TRANK1: variants seen among roughly 807,000 people sequenced by gnomAD.
The protein encoded by TRANK1 is tetratricopeptide repeat and ankyrin repeat containing 1.
A neutral mutation model predicts 266.0 loss-of-function variants in TRANK1; 198 were observed. The observed-to-expected ratio is 0.74, with a 90% CI of 0.66 to 0.84. The LOEUF is 0.84. Among genes scored for constraint, TRANK1 ranks in the 40% least tolerant of loss-of-function variants. The pLI is 0.00. For synonymous variants in TRANK1, 1,396 were observed against 1,384.1 expected (o/e 1.01, Z -0.19); for missense variants, 3,326 against 3,634.6 (o/e 0.92, Z 2.18).
chr3:36,903,296 T>A (rs2079911690), intron 2 of TRANK1, 21 bp from the exon 3 acceptor site: 1 of 1,535,036 alleles, frequency 6.5e-7, no homozygotes, highest in South Asian at 1.2e-5. Flanking sequence ...AAACCGGTGG[T>A]CTGTCATGGT....
intron 8 of TRANK1, 129 bp downstream of exon 8, chr3:36,889,700 C>T (rs748971960): frequency 3.0e-5 from 38 of 1,273,756 alleles, no homozygotes; most frequent in Non-Finnish European, 3.8e-5. Flanking sequence ...AAGTTTAGTT[C>T]AAGGGGAAGT....
intron 9 of TRANK1, among the ~76,000 whole-genome samples, chr3:36,868,697 GT>G (rs1301461537): frequency 6.6e-6 from 1 of 152,128 alleles, no homozygotes; most frequent in Non-Finnish European, 1.5e-5. Flanking sequence ...ATAATTAATA[GT>G]TTCTTTTCTA....
In TRANK1 at chr3:36,861,004, C is replaced by T. The variant is rs1294188652; in HGVS notation, c.1397G>A (p.Cys466Tyr). 6.5e-7 allele frequency: 1 copy of T among 1,537,854 alleles called. No individual in the cohort carries two copies. The highest frequency in any genetic ancestry group is 2.4e-5 in the East Asian group (1 of 40,914). The change falls in exon 11 of 24, where the codon TGC becomes TAC. Residue 466 changes from cysteine to tyrosine, a missense_variant. Cys to Tyr is a radical substitution (Grantham distance 194, BLOSUM62 -2). Transcript: ENST00000645898. ...PPLGDCLIKD[C>Y]NFSDLDICTI... is the part of the protein sequence containing the mutation. ...ACAGATGTCGAGGTCTGAGAAGTTG[C>T]AGTCTTTGATGAGGCAATCCCCAAG...
intron 7 of TRANK1, among the ~76,000 whole-genome samples, chr3:36,890,360 G>A (rs923324528): frequency 2.6e-5 from 4 of 152,182 alleles, no homozygotes; most frequent in African/African-American, 9.7e-5. Flanking sequence ...GACCTCATGA[G>A]CAGCCCTGCA....
At chr3:36,925,336 T>C (rs772254862) in intron 1 of TRANK1, among the ~76,000 whole-genome samples, 13 of 152,212 alleles carry the variant, frequency 8.5e-5, no homozygotes, top group Non-Finnish European at 1.6e-4. Context: ...ATGGTTAACC[T>C]GCACCATAGG....
Position 36,892,870 on chromosome 3 carries a change from TAGATATATATAG to T in TRANK1, c.636+19_636+30del. On this transcript the variant is annotated intron_variant, in intron 6 of 23. Coordinates refer to ENST00000645898, the MANE Select transcript of TRANK1 (RefSeq NM_001329998.2). ...AACAAAACATATATATATATATATA[TAGATATATATAG>T]ATATATATATCACCTTACCTCAAAG... 1 of 647,882 alleles carries T rather than the reference TAGATATATATAG, an allele frequency of 1.5e-6. No homozygotes were observed. Among genetic ancestry groups the T allele is most frequent in the Non-Finnish European group, 2.1e-6 (1 of 480,466 alleles). 40.1% of individuals were successfully genotyped at this position (647,882 alleles called of 1,614,324 possible).
Position 36,865,333 on chromosome 3 carries a change from T to A in TRANK1, c.1079-853A>T, listed in dbSNP as rs560188372. ...GAGCCATCACACCCAGCATGCTTCT[T>A]GTTTTAAGCCACGAAAATTGGAGTA... On this transcript the variant is annotated intron_variant, in intron 9 of 23. Transcript: ENST00000645898. 3.9e-5 allele frequency among the ~76,000 whole-genome samples: 6 copies of A among 152,302 alleles called. No homozygotes were observed. The South Asian group carries it at 1.2e-3, about 32-fold the overall frequency.
chr3:36,873,746 T>G (rs530240744), intron 9 of TRANK1, among the ~76,000 whole-genome samples: 2 of 152,190 alleles, frequency 1.3e-5, no homozygotes, highest in African/African-American at 4.8e-5. Flanking sequence ...GAAATAGAGA[T>G]GTACGTGTAT....
chr3:36,903,782 G>C lies in TRANK1; in HGVS notation c.156-507C>G, dbSNP rs923610983. 3.9e-5 allele frequency among the ~76,000 whole-genome samples: 6 copies of C among 152,220 alleles called. No individual in the cohort carries two copies. In the East Asian group the frequency reaches 1.2e-3, roughly 29 times the overall value. The stretch of plus-strand genomic sequence containing the variant: ...TGGCCAAAGGAGGGCCCTTTAAAGC[G>C]CAGCAGGGCAGGGATGGCTCTGGCC... On this transcript the variant is annotated intron_variant, in intron 2 of 23. Coordinates refer to ENST00000645898, the MANE Select transcript of TRANK1 (RefSeq NM_001329998.2).
chr3:36,849,712 ACCTGTCTTT>A (rs2078962165), intron 15 of TRANK1, among the ~76,000 whole-genome samples: 1 of 152,206 alleles, frequency 6.6e-6, no homozygotes, highest in African/African-American at 2.4e-5. Context: ...GATATATGGG[ACCTGTCTTT>A]CCTCTCCTTT....
intron 8 of TRANK1, among the ~76,000 whole-genome samples, chr3:36,888,252 A>G (rs1410636475): frequency 2.0e-5 from 3 of 152,230 alleles, no homozygotes; most frequent in African/African-American, 7.2e-5. Flanking sequence ...AAGGCCTTAT[A>G]TTCTATGATT....
At chr3:36,929,382 C>CCTCGGCCTCCCAAAG (rs1263008235) in intron 1 of TRANK1, 2 of 152,152 alleles carry the variant, frequency 1.3e-5, no homozygotes, top group African/African-American at 4.8e-5. Flanking sequence ...TCCCAAAGTG[C>CCTCGGCCTCCCAAAG]TGAGATTACA....
In TRANK1 at chr3:36,833,555, TG is replaced by T. The variant is rs767231780; in HGVS notation, c.6027del (p.Lys2010ArgfsTer4). On this transcript the variant is annotated frameshift_variant, in exon 22 of 24. Transcript: ENST00000645898. LOFTEE classifies it high-confidence loss of function. ...NVARDSDIEHTKDILREALDI... is the reference protein window; with the variant it reads ...NVARDSDIEHXKDILREALDI... ...TCAAGTGCTTCTCTCAGAATGTCCT[TG>T]GTGTGTTCTATGTCGGAATCCCTGG... 1 of 1,613,940 alleles carries T rather than the reference TG, an allele frequency of 6.2e-7. No individual in the cohort carries two copies.
chr3:36,887,085 C>G (rs2079618487), intron 8 of TRANK1, among the ~76,000 whole-genome samples: 1 of 151,766 alleles, frequency 6.6e-6, no homozygotes, highest in African/African-American at 2.4e-5. Context: ...GTCAGGATAC[C>G]TGGAGATGTG....
intron 8 of TRANK1, among the ~76,000 whole-genome samples, chr3:36,886,133 T>TG (rs1414857961): frequency 1.9e-4 from 13 of 68,184 alleles, no homozygotes; most frequent in African/African-American, 1.2e-3. Context: ...GTTGTTGTTT[T>TG]TTTTTTTTTT....
intron 4 of TRANK1, 131 bp downstream of exon 4, chr3:36,898,978 G>T: frequency 1.0e-6 from 1 of 990,426 alleles, no homozygotes; most frequent in Non-Finnish European, 1.4e-6. Context: ...GTGTGAACTA[G>T]ATTCATTAAA....
chr3:36,849,305 T>G (rs550881144), intron 15 of TRANK1, among the ~76,000 whole-genome samples: 1 of 152,138 alleles, frequency 6.6e-6, no homozygotes, highest in Non-Finnish European at 1.5e-5. Context: ...CACAGAAGGA[T>G]AGCTTGAGGG....
Position 36,855,628 on chromosome 3 carries a change from T to C in TRANK1, c.4094A>G (p.His1365Arg). The C allele has an allele frequency of 6.2e-7, 1 of 1,613,930 alleles. No homozygotes were observed. Reference protein sequence around the residue: ...KGSFEALSCPHGRLTEEVYKK... With the variant: ...KGSFEALSCPRGRLTEEVYKK... ...ATATACTTCTTCAGTGAGTCTCCCA[T>C]GGGGACAGCTGAGGGCCTCAAAAGA... is the stretch of plus-strand genomic sequence containing the variant. The change falls in exon 13 of 24, where the codon CAT becomes CGT. Residue 1365 changes from histidine (H) to arginine (R), a missense_variant. His to Arg is a conservative substitution (Grantham distance 29). Coordinates refer to ENST00000645898, the MANE Select transcript of TRANK1 (RefSeq NM_001329998.2).
intron 4 of TRANK1, among the ~76,000 whole-genome samples, chr3:36,897,267 T>A (rs531167124): frequency 1.4e-4 from 21 of 152,264 alleles, no homozygotes; most frequent in Non-Finnish European, 2.1e-4. Context: ...ATTGCGCCAC[T>A]GCACTCCAGC....
Sources: gnomAD v4.1 joint callset for allele counts (sites outside exome capture counted in the v4.1 genomes callset) on GRCh38, gnomAD v4.1.1 for gene constraint, MANE v1.5 for transcripts, NCBI Gene and HGNC (gene_info 2026-07-23, HGNC 2026-07-21) for gene names.